The following CUBN variants were observed in gnomAD, a reference collection of about 807,000 sequenced individuals.
CUBN encodes the protein cubilin, also known as 460 kDa receptor.
Under a neutral mutation model 405.3 loss-of-function variants are expected in CUBN, and 282 were observed. That is an observed-to-expected ratio of 0.70 (90% confidence interval 0.63 to 0.77). CUBN has a LOEUF of 0.77. Among genes scored for constraint, CUBN ranks in the 30% least tolerant of loss-of-function variants. CUBN has a pLI of 0.00. For missense variants in CUBN, 4,514 were observed against 4,475.2 expected (o/e 1.01, Z -0.25); for synonymous variants, 1,684 against 1,617.0 (o/e 1.04, Z -0.99).
chr10:16,927,202 G>A (rs533601306), intron 41 of CUBN, among the ~76,000 whole-genome samples: 44 of 151,836 alleles, frequency 2.9e-4, no homozygotes, highest in South Asian at 1.2e-3. Context: ...AATGAGTTGC[G>A]ATACATAGTA....
At chr10:16,937,493 A>G in intron 39 of CUBN, 99 bp downstream of exon 39, 3 of 972,752 alleles carry the variant, frequency 3.1e-6, no homozygotes, top group Non-Finnish European at 4.8e-6. Flanking sequence ...TTGGGGCTGT[A>G]CTTATTTTTA....
At chr10:16,954,659 G>T (rs1254208661) in intron 31 of CUBN, 111 bp from the exon 32 acceptor site, 1 of 1,187,296 alleles carries the variant, frequency 8.4e-7, no homozygotes. Context: ...ACGTTTGCTG[G>T]ATCTAGGGAA....
chr10:16,932,708 A>T (rs148813984), intron 40 of CUBN, among the ~76,000 whole-genome samples: 1 of 152,142 alleles, frequency 6.6e-6, no homozygotes, highest in Admixed American at 6.6e-5. Context: ...TATGGTGTGA[A>T]CCACTATGTC....
intron 59 of CUBN, among the ~76,000 whole-genome samples, chr10:16,865,409 C>A (rs898826747): frequency 1.3e-5 from 2 of 152,072 alleles, no homozygotes; most frequent in African/African-American, 4.8e-5. Context: ...CTCCATGTGA[C>A]AAATACCCCA....
In CUBN at chr10:16,882,403, T is replaced by C. The variant is rs75535706; in HGVS notation, c.8906-5306A>G. Among the ~76,000 whole-genome samples, 240 of 152,378 alleles carry C rather than the reference T, an allele frequency of 1.6e-3. 8 individuals carry two copies. In the East Asian group the frequency reaches 0.041, roughly 26 times the overall value. On this transcript the variant is annotated intron_variant, in intron 56 of 66. Transcript: ENST00000377833. ...AAAAACTTTAAAACATATTCATCGT[T>C]TGCAATGGGCAAGGCTCTATACCAT...
rs1398059453 is a variant in CUBN, at chr10:17,126,775, G to A, written c.373C>T (p.Gln125Ter). ...SKLVDLERKFQGLQQTVDKKV... is the reference protein window; with the variant it reads ...SKLVDLERKF Reference sequence around the variant, plus strand: ...ATGAGACCTACCTGCTGCAAGCCTTGGAATTTTCTCTCAAGATCCACCAGC... The same window carrying A: ...ATGAGACCTACCTGCTGCAAGCCTTAGAATTTTCTCTCAAGATCCACCAGC... Residue 125 changes from glutamine (Q) to a stop codon, truncating the protein, a stop_gained, in exon 4 of 67, where the codon CAA becomes TAA. Transcript: ENST00000377833. LOFTEE classifies it high-confidence loss of function. The A allele has an allele frequency of 1.2e-6, 2 of 1,614,140 alleles. No homozygotes were observed. The highest frequency in any genetic ancestry group is 2.2e-5 in the East Asian group (1 of 44,874).
At chr10:16,916,152 A>T in intron 45 of CUBN, 122 bp from the exon 46 acceptor site, 1 of 850,094 alleles carries the variant, frequency 1.2e-6, no homozygotes, top group South Asian at 1.6e-5. Context: ...GTGCCAAGTG[A>T]CTCTGAATTG....
chr10:16,885,459 CACAT>C (rs1376464170), intron 56 of CUBN, among the ~76,000 whole-genome samples: 1 of 152,132 alleles, frequency 6.6e-6, no homozygotes, highest in Non-Finnish European at 1.5e-5. Context: ...ATTAGACACA[CACAT>C]ACACACATAT....
chr10:16,898,083 T>C (rs965238050), intron 54 of CUBN, among the ~76,000 whole-genome samples: 46 of 150,060 alleles, frequency 3.1e-4, no homozygotes, highest in African/African-American at 1.1e-3. Context: ...TATATATATA[T>C]ATATGTTATA....
chr10:16,961,442 T>C (rs1250776932), intron 31 of CUBN, among the ~76,000 whole-genome samples: 1 of 152,196 alleles, frequency 6.6e-6, no homozygotes, highest in Non-Finnish European at 1.5e-5. Flanking sequence ...TTAACATGTG[T>C]TCAACTTTGT....
intron 27 of CUBN, among the ~76,000 whole-genome samples, chr10:17,034,509 T>C (rs74120110): frequency 0.11 from 17,456 of 152,136 alleles, 1,295 homozygotes; most frequent in South Asian, 0.32. Flanking sequence ...GCTATCTTGG[T>C]GGAAGTGGGC....
intron 28 of CUBN, among the ~76,000 whole-genome samples, chr10:17,009,847 A>T (rs1015913418): frequency 6.6e-6 from 1 of 152,176 alleles, no homozygotes; most frequent in Non-Finnish European, 1.5e-5. Flanking sequence ...CCTGGGGGAA[A>T]GTTCTCTCTG....
At chr10:16,874,897 C>T (rs889356464) in intron 57 of CUBN, among the ~76,000 whole-genome samples, 13 of 151,880 alleles carry the variant, frequency 8.6e-5, no homozygotes, top group Admixed American at 5.9e-4. Context: ...ATGTTCTGGG[C>T]GTACAGATCT....
chr10:17,041,054 GT>G lies in CUBN; in HGVS notation c.3995del (p.Asn1332ThrfsTer7). 1 of 1,613,704 alleles carries G rather than the reference GT, an allele frequency of 6.2e-7. No homozygotes were observed. Among genetic ancestry groups the G allele is most frequent in the Non-Finnish European group, 8.5e-7 (1 of 1,179,662 alleles). On this transcript the variant is annotated frameshift_variant, in exon 27 of 67. Transcript: ENST00000377833. LOFTEE classifies it high-confidence loss of function. ...ATACCTCTAAATAATCTGTGGAGCA[GT>G]TTATGTGATGTTCCAAGTCAAATGC... The part of the protein sequence containing the change: ...FLAFDLEHHI[N>X]CSTDYLELYD...
chr10:16,849,138 G>T (rs117913241), intron 60 of CUBN, among the ~76,000 whole-genome samples: 1,670 of 152,224 alleles, frequency 0.011, 17 homozygotes, highest in Middle Eastern at 0.027. Flanking sequence ...AGTGCAATGA[G>T]GCTGTTCTTC....
chr10:17,011,416 G>A (rs1238976418), intron 28 of CUBN, among the ~76,000 whole-genome samples: 1 of 152,092 alleles, frequency 6.6e-6, no homozygotes, highest in Non-Finnish European at 1.5e-5. Flanking sequence ...CTTAAAGGTA[G>A]TGCGGAGTTA....
At chr10:17,019,047 T>C (rs1042156203) in intron 28 of CUBN, among the ~76,000 whole-genome samples, 13 of 152,166 alleles carry the variant, frequency 8.5e-5, no homozygotes, top group Admixed American at 2.0e-4. Context: ...TCAAAGTTTG[T>C]GATTCTGTAG....
chr10:16,973,577 T>C (rs1833003429), intron 31 of CUBN, among the ~76,000 whole-genome samples: 1 of 151,708 alleles, frequency 6.6e-6, no homozygotes, highest in African/African-American at 2.4e-5. Flanking sequence ...GTGTACAGTC[T>C]ATTTTGTCAC....
At position 16,945,907 on chromosome 10, in the gene CUBN, T is replaced by C. The variant is rs114536222; in HGVS notation, c.5342+1328A>G. Among the ~76,000 whole-genome samples the C allele has an allele frequency of 1.1e-3, 164 of 152,258 alleles. 1 individual carries two copies. The highest frequency in any genetic ancestry group is 3.7e-3 in the African/African-American group (155 of 41,546). The stretch of plus-strand genomic sequence containing the variant: ...TATACCCTGAAGAGGCTCTGTCTGA[T>C]TGATGGATTAAAAAAAGCAACTTGA... On this transcript the variant is annotated intron_variant, in intron 36 of 66. Coordinates refer to ENST00000377833, the MANE Select transcript of CUBN (RefSeq NM_001081.4).
Sources: allele counts gnomAD v4.1 joint callset (sites outside exome capture counted in the v4.1 genomes callset), GRCh38; gene constraint gnomAD v4.1.1; transcripts MANE v1.5; gene names NCBI Gene and HGNC (gene_info 2026-07-23, HGNC 2026-07-21).